The following VSTM1 variants were observed in gnomAD, a reference collection of about 807,000 sequenced individuals.
The protein encoded by VSTM1 is V-set and transmembrane domain containing 1.
VSTM1 carries 27 observed loss-of-function variants against 33.1 expected under a neutral mutation model. The ratio of observed to expected loss-of-function variants is 0.82; its 90% CI spans 0.60 to 1.12. The LOEUF is 1.12. VSTM1 is among the 50% of genes most tolerant of loss of function. The pLI is 0.00. For missense variants in VSTM1, 304 were observed against 288.9 expected (o/e 1.05, Z -0.38); for synonymous variants, 115 against 110.3 (o/e 1.04, Z -0.27).
intron 4 of VSTM1, among the ~76,000 whole-genome samples, chr19:54,044,429 G>T (rs1409984579): frequency 6.6e-6 from 1 of 152,108 alleles, no homozygotes; most frequent in Non-Finnish European, 1.5e-5. Context: ...GCATGGTGGC[G>T]CACGCCTGTA....
intron 5 of VSTM1, 35 bp from the exon 6 acceptor site, chr19:54,042,231 A>G (rs1374477066): frequency 6.2e-7 from 1 of 1,613,960 alleles, no homozygotes; most frequent in East Asian, 2.2e-5. Context: ...ACCTACCGAG[A>G]AAATCCTTCA....
intron 4 of VSTM1, among the ~76,000 whole-genome samples, chr19:54,046,454 C>G (rs2070593570): frequency 6.6e-6 from 1 of 152,104 alleles, no homozygotes; most frequent in African/African-American, 2.4e-5. Context: ...AAAATCCTGG[C>G]TTTAAAGCGC....
intron 1 of VSTM1, among the ~76,000 whole-genome samples, chr19:54,059,210 G>A (rs568030547): frequency 3.7e-4 from 56 of 151,608 alleles, no homozygotes; most frequent in South Asian, 1.0e-3. Flanking sequence ...ACAGGCACCC[G>A]CCACCACACC....
intron 4 of VSTM1, among the ~76,000 whole-genome samples, chr19:54,043,018 A>G (rs1213247879): frequency 6.7e-6 from 1 of 150,298 alleles, no homozygotes; most frequent in Non-Finnish European, 1.5e-5. Context: ...TGTCTGTGTA[A>G]TCACTGTCTG....
intron 1 of VSTM1, among the ~76,000 whole-genome samples, chr19:54,062,416 C>T (rs1287964801): frequency 6.6e-6 from 1 of 151,902 alleles, no homozygotes; most frequent in African/African-American, 2.4e-5. Flanking sequence ...GGTATGAACC[C>T]GATAGTCATC....
At chr19:54,047,485 G>A (rs367824270) in intron 4 of VSTM1, among the ~76,000 whole-genome samples, 1 of 152,032 alleles carries the variant, frequency 6.6e-6, no homozygotes, top group African/African-American at 2.4e-5. Context: ...GTAGAGATGA[G>A]GTTTCACCAT....
rs1033081016 is a variant in VSTM1 at position 54,042,992 on chromosome 19, C to A, written c.395-623G>T. 2.7e-5 allele frequency among the ~76,000 whole-genome samples: 4 copies of A among 150,628 alleles called. No homozygotes were observed. In the East Asian group the frequency reaches 5.9e-4, roughly 22 times the overall value. On this transcript the variant is annotated intron_variant, in intron 4 of 8. Coordinates refer to ENST00000338372, the MANE Select transcript of VSTM1 (RefSeq NM_198481.4). ...CCTCCTGAGTAGTTGGGATTACAGG[C>A]GTGAGCCACCACATCTGTCTGTGTA...
intron 8 of VSTM1, 52 bp from the exon 9 acceptor site, chr19:54,041,132 C>G (rs1268490418): frequency 6.7e-7 from 1 of 1,484,080 alleles, no homozygotes. Flanking sequence ...ATGGCAGCCA[C>G]TAGCCACACA....
At chr19:54,042,806 G>GTATATATATATATATATATATA (rs1203522841) in intron 4 of VSTM1, among the ~76,000 whole-genome samples, 9 of 57,940 alleles carry the variant, frequency 1.6e-4, no homozygotes, top group Non-Finnish European at 2.2e-4. Flanking sequence ...ATATAAATGT[G>GTATATATATATATATATATATA]TATATATATA....
chr19:54,049,277 C>T lies in VSTM1; in HGVS notation c.394+2133G>A, dbSNP rs150015698. Among the ~76,000 whole-genome samples the T allele has an allele frequency of 9.9e-3, 1,505 of 152,160 alleles. 19 individuals carry two copies. Among genetic ancestry groups the T allele is most frequent in the African/African-American group, 0.034 (1,405 of 41,514 alleles). On this transcript the variant is annotated intron_variant, in intron 4 of 8. Coordinates refer to ENST00000338372, the MANE Select transcript of VSTM1 (RefSeq NM_198481.4). ...CACATAGTGTATGAATCCACTTACA[C>T]AAAATGTCCAGAATAGACAAAATCA...
intron 8 of VSTM1, among the ~76,000 whole-genome samples, chr19:54,041,544 G>A (rs1402089580): frequency 1.8e-4 from 28 of 151,888 alleles, no homozygotes; most frequent in Admixed American, 1.8e-3. Context: ...CTCATGATCC[G>A]CCCGCCTCGG....
intron 1 of VSTM1, among the ~76,000 whole-genome samples, chr19:54,060,142 G>A (rs148450260): frequency 5.6e-4 from 85 of 152,136 alleles, no homozygotes; most frequent in East Asian, 2.1e-3. Context: ...ATCAGCCACC[G>A]CGCCCGGCCG....
chr19:54,044,578 G>T (rs145966868), intron 4 of VSTM1, among the ~76,000 whole-genome samples: 198 of 152,218 alleles, frequency 1.3e-3, no homozygotes, highest in African/African-American at 4.6e-3. Context: ...CCTCTCAGGA[G>T]ATAAAATTTC....
chr19:54,044,345 G>A (rs2070465814), intron 4 of VSTM1, among the ~76,000 whole-genome samples: 1 of 152,132 alleles, frequency 6.6e-6, no homozygotes, highest in South Asian at 2.1e-4. Context: ...GATCACTTGA[G>A]GTCTGGAGTT....
chr19:54,040,925 A>AT lies in VSTM1; in HGVS notation c.*35dup. The AT allele has an allele frequency of 6.2e-7, 1 of 1,602,816 alleles. No homozygotes were observed. ...ATTTCCGATAACCTTGGCCAGCACG[A>AT]TCCCCCCTCCTTTAGTGGCCAGGGC... On this transcript the variant is annotated 3_prime_UTR_variant, in exon 9 of 9. Transcript: ENST00000338372.
intron 4 of VSTM1, among the ~76,000 whole-genome samples, chr19:54,043,710 C>T (rs2070434358): frequency 6.6e-6 from 1 of 152,210 alleles, no homozygotes; most frequent in African/African-American, 2.4e-5. Flanking sequence ...CCACACCCAG[C>T]TTATATCTAT....
chr19:54,050,689 GTTC>G (rs1555757332), intron 4 of VSTM1, among the ~76,000 whole-genome samples: 3 of 152,062 alleles, frequency 2.0e-5, no homozygotes, highest in Non-Finnish European at 1.5e-5. Context: ...GGGCTTTAAA[GTTC>G]TTCTAGGCCG....
chr19:54,063,434 C>T (rs2071493280), intron 1 of VSTM1, among the ~76,000 whole-genome samples: 1 of 152,168 alleles, frequency 6.6e-6, no homozygotes, highest in Non-Finnish European at 1.5e-5. Flanking sequence ...GATCCCTAAG[C>T]CCAGCCCTCC....
rs369000410 is a variant in VSTM1, at chr19:54,061,249, C to G, written c.34+2495G>C. On this transcript the variant is annotated intron_variant, in intron 1 of 8. Coordinates refer to ENST00000338372, the MANE Select transcript of VSTM1 (RefSeq NM_198481.4). ...GCCAGTCTGGTCTCAAACTCCTGAC[C>G]TCAAGAGATCTGCCCGCCTGGGCCT... 2.6e-5 allele frequency among the ~76,000 whole-genome samples: 4 copies of G among 151,978 alleles called. No individual in the cohort carries two copies. In the East Asian group the frequency reaches 7.7e-4, roughly 29 times the overall value.
Sources: gnomAD v4.1 joint callset for allele counts (sites outside exome capture counted in the v4.1 genomes callset) on GRCh38, gnomAD v4.1.1 for gene constraint, MANE v1.5 for transcripts, NCBI Gene and HGNC (gene_info 2026-07-23, HGNC 2026-07-21) for gene names.